The following GRM8 variants were observed in gnomAD, a reference collection of about 807,000 sequenced individuals.
GRM8 encodes the protein glutamate metabotropic receptor 8.
A neutral mutation model predicts 87.2 loss-of-function variants in GRM8; 47 were observed. The observed-to-expected ratio is 0.54, with a 90% CI of 0.43 to 0.69. GRM8 has a LOEUF of 0.69. Among genes scored for constraint, GRM8 ranks in the 30% least tolerant of loss-of-function variants. The pLI, the probability that GRM8 is intolerant of heterozygous loss-of-function variation, is 0.00. For synonymous variants in GRM8, 396 were observed against 404.5 expected (o/e 0.98, Z 0.25); for missense variants, 1,019 against 1,139.2 (o/e 0.89, Z 1.52).
At chr7:126,721,385 T>C (rs1014861432) in intron 7 of GRM8, among the ~76,000 whole-genome samples, 1 of 152,176 alleles carries the variant, frequency 6.6e-6, no homozygotes, top group Non-Finnish European at 1.5e-5. Flanking sequence ...TATAAAGAAA[T>C]GAAACATTTC....
chr7:126,441,292 A>G lies in GRM8; in HGVS notation c.2678-2124T>C, dbSNP rs1358119215. Reference sequence around the variant, plus strand: ...GAGACAAATGAAGATAAAATTTAAGAAAATAAAGACTCAAATAAAGAAATG... The same window carrying G: ...GAGACAAATGAAGATAAAATTTAAGGAAATAAAGACTCAAATAAAGAAATG... On this transcript the variant is annotated intron_variant, in intron 10 of 10. Coordinates refer to ENST00000339582, the MANE Select transcript of GRM8 (RefSeq NM_000845.3). 3.3e-5 allele frequency among the ~76,000 whole-genome samples: 5 copies of G among 152,216 alleles called. No homozygotes were observed. The East Asian group carries it at 9.7e-4, about 29-fold the overall frequency.
At chr7:126,586,330 C>G (rs1168128783) in intron 8 of GRM8, among the ~76,000 whole-genome samples, 1 of 152,148 alleles carries the variant, frequency 6.6e-6, no homozygotes, top group Non-Finnish European at 1.5e-5. Flanking sequence ...GGAAAAAATA[C>G]TTTAAAGTTC....
intron 7 of GRM8, among the ~76,000 whole-genome samples, chr7:126,660,054 T>C (rs1804975569): frequency 6.6e-6 from 1 of 152,230 alleles, no homozygotes; most frequent in Non-Finnish European, 1.5e-5. Flanking sequence ...TTTATGTAGC[T>C]AAATTTTTTC....
At chr7:127,152,261 A>G (rs1792432566) in intron 2 of GRM8, among the ~76,000 whole-genome samples, 2 of 152,068 alleles carry the variant, frequency 1.3e-5, no homozygotes, top group South Asian at 2.1e-4. Flanking sequence ...CCTCATTTCA[A>G]TCACCTTGCA....
intron 6 of GRM8, among the ~76,000 whole-genome samples, chr7:126,842,654 A>T (rs1316571455): frequency 1.3e-5 from 2 of 152,240 alleles, no homozygotes; most frequent in African/African-American, 4.8e-5. Flanking sequence ...TTAATGAGGA[A>T]GAGGGAGGCA....
rs17866341 is a variant in GRM8 at position 127,204,639 on chromosome 7, C to A, written c.510+38056G>T. Among the ~76,000 whole-genome samples the A allele has an allele frequency of 3.8e-3, 572 of 152,086 alleles. 3 individuals carry two copies. Among genetic ancestry groups the A allele is most frequent in the Middle Eastern group, 0.024 (7 of 292 alleles). ...TGAGAAAACCATACTGAGGCATCTC[C>A]GATTTGACATTACTGTCCAAATTTT... On this transcript the variant is annotated intron_variant, in intron 2 of 10. Coordinates refer to ENST00000339582, the MANE Select transcript of GRM8 (RefSeq NM_000845.3).
At chr7:126,558,706 C>A (rs571499872) in intron 8 of GRM8, among the ~76,000 whole-genome samples, 99 of 152,256 alleles carry the variant, frequency 6.5e-4, no homozygotes, top group African/African-American at 2.2e-3. Context: ...AGCACAGACA[C>A]AACCATTCCT....
At chr7:126,691,701 A>G (rs780235511) in intron 7 of GRM8, among the ~76,000 whole-genome samples, 2 of 152,162 alleles carry the variant, frequency 1.3e-5, no homozygotes, top group Non-Finnish European at 2.9e-5. Flanking sequence ...CTGAAGGCAT[A>G]ATACTGGGGC....
At chr7:126,792,126 T>G (rs1299819532) in intron 6 of GRM8, among the ~76,000 whole-genome samples, 1 of 152,132 alleles carries the variant, frequency 6.6e-6, no homozygotes, top group Non-Finnish European at 1.5e-5. Context: ...AGGATGCCCC[T>G]CAGCAAAAAA....
intron 6 of GRM8, among the ~76,000 whole-genome samples, chr7:126,807,450 G>T (rs1276573369): frequency 1.3e-5 from 2 of 152,188 alleles, no homozygotes; most frequent in African/African-American, 2.4e-5. Flanking sequence ...TTCACTAAAA[G>T]ATGCTTTGGT....
intron 9 of GRM8, among the ~76,000 whole-genome samples, chr7:126,449,660 C>G (rs1802403328): frequency 6.6e-6 from 1 of 151,770 alleles, no homozygotes; most frequent in Non-Finnish European, 1.5e-5. Context: ...AACTCAAGAC[C>G]ATATTTACTG....
intron 6 of GRM8, among the ~76,000 whole-genome samples, chr7:126,878,576 G>A (rs1799737308): frequency 6.8e-6 from 1 of 146,816 alleles, no homozygotes; most frequent in Non-Finnish European, 1.5e-5. Flanking sequence ...CTGGAGTGCA[G>A]TGGCACCGTC....
intron 4 of GRM8, 104 bp downstream of exon 4, chr7:126,904,444 T>C: frequency 9.0e-7 from 1 of 1,110,928 alleles, no homozygotes. Flanking sequence ...GGCAGTCTGT[T>C]ATTGGAAGGC....
chr7:126,653,616 C>T lies in GRM8; in HGVS notation c.1358-44118G>A, dbSNP rs188772793. On this transcript the variant is annotated intron_variant, in intron 7 of 10. Coordinates refer to ENST00000339582, the MANE Select transcript of GRM8 (RefSeq NM_000845.3). ...ATCAAAGTGGTTCAGTTTTCAGCTG[C>T]TTCTATGGCTTACAACAAAAAAGGG... Among the ~76,000 whole-genome samples, 21 of 152,250 alleles carry T rather than the reference C, an allele frequency of 1.4e-4. No individual in the cohort carries two copies. The East Asian group carries it at 4.1e-3, about 29-fold the overall frequency.
chr7:126,890,321 T>C (rs1289961302), intron 6 of GRM8, among the ~76,000 whole-genome samples: 1 of 152,122 alleles, frequency 6.6e-6, no homozygotes, highest in African/African-American at 2.4e-5. Context: ...TTATTTCCTT[T>C]AACTTCCCAA....
chr7:126,733,848 C>T (rs971652069), intron 7 of GRM8, among the ~76,000 whole-genome samples: 4 of 151,842 alleles, frequency 2.6e-5, no homozygotes, highest in Admixed American at 2.0e-4. Flanking sequence ...CAGGAATGCC[C>T]AGCATCACAA....
Position 126,533,430 on chromosome 7 carries a change from C to T in GRM8, c.1952G>A (p.Arg651Gln), listed in dbSNP as rs750614819. The change falls in exon 9 of 11, where the codon CGA (arginine) becomes CAA (glutamine). Residue 651 changes from arginine (R) to glutamine (Q), a missense_variant. Physicochemically the swap from Arg to Gln is conservative, Grantham distance 43. Transcript: ENST00000339582. ...AAPDTIICSF[R>Q]RVFLGLGMCF... ...CATGCCAAGTCCTAGGAAGACCCGTCGGAAGGAGCATATGATTGTATCTGG... is the reference window on the plus strand; with the variant it reads ...CATGCCAAGTCCTAGGAAGACCCGTTGGAAGGAGCATATGATTGTATCTGG... The T allele has an allele frequency of 2.0e-5, 33 of 1,613,704 alleles. No individual in the cohort carries two copies. The highest frequency in any genetic ancestry group is 2.0e-4 in the East Asian group (9 of 44,870).
chr7:127,192,542 C>T (rs932137405), intron 2 of GRM8, among the ~76,000 whole-genome samples: 3 of 152,142 alleles, frequency 2.0e-5, no homozygotes, highest in Non-Finnish European at 2.9e-5. Context: ...TGCTTTATCA[C>T]GAGTCTCAGG....
intron 7 of GRM8, among the ~76,000 whole-genome samples, chr7:126,762,997 A>G (rs1817753423): frequency 6.6e-6 from 1 of 151,716 alleles, no homozygotes; most frequent in Non-Finnish European, 1.5e-5. Flanking sequence ...TTTTTTTCAA[A>G]TGTTTATTAA....
Sources: gnomAD v4.1 joint callset for allele counts (sites outside exome capture counted in the v4.1 genomes callset) on GRCh38, gnomAD v4.1.1 for gene constraint, MANE v1.5 for transcripts, NCBI Gene and HGNC (gene_info 2026-07-23, HGNC 2026-07-21) for gene names.